PTPRB: variants seen among roughly 807,000 people sequenced by gnomAD.
PTPRB encodes the protein receptor-type tyrosine-protein phosphatase beta.
In PTPRB, 97 loss-of-function variants were observed where a neutral mutation model predicts 238.1. That is an observed-to-expected ratio of 0.41 (90% CI 0.35 to 0.48). The LOEUF is 0.48. Ranked by LOEUF, PTPRB falls within the 20% of genes least tolerant of loss-of-function variation. PTPRB has a pLI of 0.30. For missense variants in PTPRB, 2,292 were observed against 2,681.9 expected (o/e 0.85, Z 3.21); for synonymous variants, 970 against 995.4 (o/e 0.97, Z 0.48).
At chr12:70,527,593 G>T (rs1057067705) in intron 32 of PTPRB, 1 of 152,150 alleles carries the variant, frequency 6.6e-6, no homozygotes, top group Non-Finnish European at 1.5e-5. Flanking sequence ...GTCTCTCAGG[G>T]TCAGGCTGCA....
intron 4 of PTPRB, among the ~76,000 whole-genome samples, chr12:70,597,646 A>C (rs1565995968): frequency 6.6e-6 from 1 of 152,202 alleles, no homozygotes; most frequent in African/African-American, 2.4e-5. Context: ...GTCAGATATT[A>C]TAATGGCATG....
At chr12:70,554,240 G>A (rs1045392380) in intron 20 of PTPRB, among the ~76,000 whole-genome samples, 1 of 152,224 alleles carries the variant, frequency 6.6e-6, no homozygotes, top group Non-Finnish European at 1.5e-5. Context: ...ACTCCTCACA[G>A]TTTGTCAGGT....
chr12:70,539,534 C>CA, intron 26 of PTPRB, 91 bp downstream of exon 26: 2 of 1,045,312 alleles, frequency 1.9e-6, no homozygotes, highest in Middle Eastern at 3.0e-4. Flanking sequence ...AACTTCTGAG[C>CA]TCAATCAGCC....
chr12:70,626,068 G>A (rs1054377955), intron 2 of PTPRB, among the ~76,000 whole-genome samples: 4 of 152,124 alleles, frequency 2.6e-5, no homozygotes, highest in Admixed American at 6.6e-5. Context: ...AATATATTGT[G>A]TAAGTTTCCC....
intron 3 of PTPRB, among the ~76,000 whole-genome samples, chr12:70,620,626 G>T (rs902033293): frequency 2.6e-5 from 4 of 152,180 alleles, no homozygotes; most frequent in East Asian, 3.9e-4. Context: ...CAATGAGGAG[G>T]TGCTCCTCCA....
Position 70,566,709 on chromosome 12 carries a change from A to G in PTPRB, c.3635-5T>C. 1 of 1,607,742 alleles carries G rather than the reference A, an allele frequency of 6.2e-7. No homozygotes were observed. Among genetic ancestry groups the G allele is most frequent in the South Asian group, 1.1e-5 (1 of 91,004 alleles). On this transcript the variant is annotated splice_polypyrimidine_tract_variant and splice_region_variant and intron_variant, in intron 14 of 33. Coordinates refer to ENST00000334414, the MANE Select transcript of PTPRB (RefSeq NM_001109754.4). ...CTCCTTGGACAGATGCTGGAACTGC[A>G]GAGAGACAAGTGGAGCAACAAAATA... is the stretch of plus-strand genomic sequence containing the variant.
intron 3 of PTPRB, among the ~76,000 whole-genome samples, chr12:70,615,497 TTTTTA>T (rs1230884384): frequency 1.3e-5 from 2 of 152,224 alleles, no homozygotes; most frequent in Non-Finnish European, 2.9e-5. Flanking sequence ...CCTCCCCTAC[TTTTTA>T]TTTTGTTTTA....
chr12:70,561,853 C>T (rs1331750377), intron 16 of PTPRB, among the ~76,000 whole-genome samples: 4 of 152,198 alleles, frequency 2.6e-5, no homozygotes, highest in African/African-American at 9.7e-5. Flanking sequence ...CTTCCCTCCC[C>T]GCTATTGCAG....
chr12:70,637,011 G>A (rs894806251), intron 1 of PTPRB, among the ~76,000 whole-genome samples: 9 of 151,940 alleles, frequency 5.9e-5, no homozygotes, highest in East Asian at 1.9e-4. Context: ...AACTATAACC[G>A]GGTCGGAAAA....
chr12:70,573,872 G>T (rs1230881247), intron 11 of PTPRB, among the ~76,000 whole-genome samples: 4 of 151,948 alleles, frequency 2.6e-5, no homozygotes, highest in South Asian at 2.1e-4. Context: ...GTATATCTGT[G>T]GTCCCCTCCC....
rs1592477529 is a variant in PTPRB, at chr12:70,561,003, G to A, written c.4169-69C>T. On this transcript the variant is annotated intron_variant, in intron 16 of 33. Coordinates refer to ENST00000334414, the MANE Select transcript of PTPRB (RefSeq NM_001109754.4). ...CAGGCATTTTGGCCCACAGGTGAGA[G>A]TATATGCTATGTTGGGCATGTGGGT... 4.7e-6 allele frequency: 7 copies of A among 1,475,510 alleles called. No individual in the cohort carries two copies. In the East Asian group the frequency reaches 1.6e-4, roughly 33 times the overall value. The allele number at this position is 1,475,510 out of a possible 1,614,324, so 91.4% of individuals were successfully genotyped here. A position where few individuals can be genotyped will look rare whatever the true frequency, so the allele number is the denominator to read the frequency against.
rs1365505740 is a variant in PTPRB, at chr12:70,529,969, G to A, written c.6504+2066C>T. 2.9e-5 allele frequency among the ~76,000 whole-genome samples: 4 copies of A among 137,034 alleles called. No individual in the cohort carries two copies. The East Asian group carries it at 7.7e-4, about 27-fold the overall frequency. 89.9% of individuals were successfully genotyped at this position (137,034 alleles called of 152,430 possible). A position where few individuals can be genotyped will look rare whatever the true frequency, so the allele number is the denominator to read the frequency against. On this transcript the variant is annotated intron_variant, in intron 32 of 33. Transcript: ENST00000334414. Reference sequence around the variant, plus strand: ...TGGGGAGTAGAGGAAAAATCCATGGGGAGTAGAGGAATATATTACCACCAT... The same window carrying A: ...TGGGGAGTAGAGGAAAAATCCATGGAGAGTAGAGGAATATATTACCACCAT...
At chr12:70,601,790 C>CT (rs200227553) in intron 4 of PTPRB, among the ~76,000 whole-genome samples, 1,407 of 127,510 alleles carry the variant, frequency 0.011, 24 homozygotes, top group South Asian at 0.037. Flanking sequence ...TTTCTTTTTT[C>CT]TTTTTTTTTT....
intron 21 of PTPRB, among the ~76,000 whole-genome samples, chr12:70,552,274 A>T (rs1006899183): frequency 6.6e-6 from 1 of 152,148 alleles, no homozygotes; most frequent in Non-Finnish European, 1.5e-5. Context: ...ACTTGAGGCC[A>T]GGAGTTGGAG....
In PTPRB at chr12:70,520,518, A is replaced by G. The variant is rs1871547049; in HGVS notation, c.*971T>C. On this transcript the variant is annotated 3_prime_UTR_variant, in exon 34 of 34. Transcript: ENST00000334414. The stretch of plus-strand genomic sequence containing the variant: ...TTAATGAGGGGCACAATCTGCTACC[A>G]TAATATTCTTTTAATGGGAAATCAA... 3 of 199,396 alleles carry G rather than the reference A, an allele frequency of 1.5e-5. No individual in the cohort carries two copies. The highest frequency in any genetic ancestry group is 1.5e-4 in the South Asian group (2 of 13,346). The allele number at this position is 199,396 out of a possible 1,614,324, so 12.4% of individuals were successfully genotyped here.
intron 2 of PTPRB, among the ~76,000 whole-genome samples, chr12:70,625,084 A>C (rs1393632119): frequency 1.3e-5 from 2 of 152,162 alleles, no homozygotes; most frequent in Non-Finnish European, 2.9e-5. Context: ...CATACCAAGC[A>C]AGTTCATTTT....
chr12:70,593,811 T>C (rs1249970501), intron 6 of PTPRB, among the ~76,000 whole-genome samples: 3 of 152,198 alleles, frequency 2.0e-5, no homozygotes, highest in Non-Finnish European at 4.4e-5. Flanking sequence ...GGAGATTTAA[T>C]TCACACATTA....
chr12:70,557,792 G>A (rs972155274), intron 18 of PTPRB, among the ~76,000 whole-genome samples: 1 of 152,186 alleles, frequency 6.6e-6, no homozygotes, highest in Non-Finnish European at 1.5e-5. Flanking sequence ...CTCAATGTAT[G>A]CTCTTTTGTT....
intron 14 of PTPRB, among the ~76,000 whole-genome samples, chr12:70,569,367 G>T (rs1565955509): frequency 1.3e-5 from 2 of 152,192 alleles, no homozygotes; most frequent in Admixed American, 6.5e-5. Flanking sequence ...GCCTTCCAGG[G>T]TGCTGGGATT....
Sources: allele counts gnomAD v4.1 joint callset (sites outside exome capture counted in the v4.1 genomes callset), GRCh38; gene constraint gnomAD v4.1.1; transcripts MANE v1.5; gene names NCBI Gene and HGNC (gene_info 2026-07-23, HGNC 2026-07-21).